The following PRKAG2 variants were observed in gnomAD, a reference collection of about 807,000 sequenced individuals.
PRKAG2 encodes 5'-AMP-activated protein kinase subunit gamma-2.
Under a neutral mutation model 69.6 loss-of-function variants are expected in PRKAG2, and 26 were observed. That is an observed-to-expected ratio of 0.37 (90% CI 0.27 to 0.52). PRKAG2 has a LOEUF of 0.52. PRKAG2 is among the 20% of genes least tolerant of loss of function. The probability of loss-of-function intolerance (pLI) is 0.90; values close to 1 mark genes in which losing one functional copy is unlikely to be tolerated. For synonymous variants in PRKAG2, 293 were observed against 285.0 expected (o/e 1.03, Z -0.28); for missense variants, 557 against 740.0 (o/e 0.75, Z 2.87).
chr7:151,593,049 T>C (rs190233966), intron 6 of PRKAG2, among the ~76,000 whole-genome samples: 2 of 152,364 alleles, frequency 1.3e-5, no homozygotes, highest in African/African-American at 4.8e-5. Flanking sequence ...TGATATTTAC[T>C]GGATCAGTCA....
At chr7:151,725,687 C>T (rs545987245) in intron 3 of PRKAG2, among the ~76,000 whole-genome samples, 5 of 152,178 alleles carry the variant, frequency 3.3e-5, no homozygotes, top group African/African-American at 1.2e-4. Context: ...CAATTATATA[C>T]AGACAGTTCA....
chr7:151,863,295 G>T (rs1042455140), intron 1 of PRKAG2, among the ~76,000 whole-genome samples: 1 of 151,984 alleles, frequency 6.6e-6, no homozygotes. Flanking sequence ...CTGGTACTCA[G>T]CTGAGTGCCT....
intron 1 of PRKAG2, among the ~76,000 whole-genome samples, chr7:151,816,186 G>A (rs1418404464): frequency 3.3e-5 from 5 of 152,160 alleles, no homozygotes; most frequent in Non-Finnish European, 7.3e-5. Flanking sequence ...TTCAGCCCAG[G>A]AGGGTACCAG....
intron 3 of PRKAG2, among the ~76,000 whole-genome samples, chr7:151,694,449 C>A (rs1460854989): frequency 1.3e-5 from 2 of 152,134 alleles, no homozygotes; most frequent in African/African-American, 4.8e-5. Context: ...AAAAATAACT[C>A]ATTTCTCCCC....
chr7:151,808,772 T>TGGCTGC (rs2078256443), intron 1 of PRKAG2, among the ~76,000 whole-genome samples: 2 of 151,912 alleles, frequency 1.3e-5, no homozygotes, highest in African/African-American at 4.8e-5. Context: ...CCACGACAGA[T>TGGCTGC]GGCTGCGCGG....
rs2078182265 is a variant in PRKAG2, at chr7:151,807,618, G to C, written c.115-21077C>G. 2.2e-6 allele frequency: 1 copy of C among 457,666 alleles called. No individual in the cohort carries two copies. Among genetic ancestry groups the C allele is most frequent in the South Asian group, 1.5e-5 (1 of 64,568 alleles). The allele number at this position is 457,666 out of a possible 1,614,324, so 28.4% of individuals were successfully genotyped here. On this transcript the variant is annotated intron_variant, in intron 1 of 15. Coordinates refer to ENST00000287878, the MANE Select transcript of PRKAG2 (RefSeq NM_016203.4). The surrounding 1 kb of genome is among the most constrained non-coding windows in gnomAD (Gnocchi z 4.4). The stretch of plus-strand genomic sequence containing the variant: ...AAGAATGATTCGTTTGCCACCAAAA[G>C]CCCAGTTTCTCCAACAGGTAAGTCC...
chr7:151,560,772 C>T (rs1804764893), intron 14 of PRKAG2, among the ~76,000 whole-genome samples, 155 bp from the exon 15 acceptor site: 1 of 152,182 alleles, frequency 6.6e-6, no homozygotes, highest in Non-Finnish European at 1.5e-5. Flanking sequence ...AAACATTAGA[C>T]AGTGGCTGGG....
Position 151,556,254 on chromosome 7 carries a change from T to C in PRKAG2, c.*947A>G, listed in dbSNP as rs1160990299. The C allele has an allele frequency of 1.3e-5, 2 of 152,388 alleles. No individual in the cohort carries two copies. The highest frequency in any genetic ancestry group is 4.8e-5 in the African/African-American group (2 of 41,408). The allele number at this position is 152,388 out of a possible 1,614,324, so 9.4% of individuals were successfully genotyped here. ...TCAGAGCACTTACATTAGGAAACAT[T>C]GTTTCTCTTCAACTGTATGACAATA... On this transcript the variant is annotated 3_prime_UTR_variant, in exon 16 of 16. Coordinates refer to ENST00000287878, the MANE Select transcript of PRKAG2 (RefSeq NM_016203.4).
At chr7:151,644,157 C>G (rs930102227) in intron 4 of PRKAG2, among the ~76,000 whole-genome samples, 3 of 152,102 alleles carry the variant, frequency 2.0e-5, no homozygotes, top group African/African-American at 4.8e-5. Flanking sequence ...ATGGATGCAC[C>G]AGGATCTTAC....
chr7:151,755,543 G>A (rs925839192), intron 3 of PRKAG2, among the ~76,000 whole-genome samples: 29 of 152,206 alleles, frequency 1.9e-4, no homozygotes, highest in Non-Finnish European at 4.1e-4. Flanking sequence ...GGGATGACAT[G>A]ATGGGATTTA....
intron 3 of PRKAG2, among the ~76,000 whole-genome samples, chr7:151,727,069 G>T (rs893309052): frequency 6.6e-6 from 1 of 152,158 alleles, no homozygotes; most frequent in East Asian, 1.9e-4. Context: ...TACAAAATTA[G>T]CTGGGCATGG....
intron 5 of PRKAG2, among the ~76,000 whole-genome samples, chr7:151,612,447 G>T (rs1477630585): frequency 6.6e-6 from 1 of 151,936 alleles, no homozygotes; most frequent in Non-Finnish European, 1.5e-5. Flanking sequence ...ACCCACACAG[G>T]TAGGGGACAG....
chr7:151,803,730 G>T (rs1457524849), intron 1 of PRKAG2, among the ~76,000 whole-genome samples: 2 of 149,602 alleles, frequency 1.3e-5, no homozygotes, highest in African/African-American at 4.9e-5. Flanking sequence ...TTTTTAAGAA[G>T]TAAATTCATC....
intron 1 of PRKAG2, 42 bp downstream of exon 1, chr7:151,876,465 A>G (rs769657624): frequency 3.8e-6 from 6 of 1,564,534 alleles, no homozygotes; most frequent in Non-Finnish European, 5.2e-6. Context: ...GACGGGAGCG[A>G]CAGGAGGGCT....
intron 3 of PRKAG2, among the ~76,000 whole-genome samples, chr7:151,683,476 T>C (rs907237782): frequency 6.6e-6 from 1 of 152,064 alleles, no homozygotes; most frequent in African/African-American, 2.4e-5. Flanking sequence ...ACTGCGTAAA[T>C]GGAATGAGCT....
intron 3 of PRKAG2, among the ~76,000 whole-genome samples, chr7:151,707,894 G>C (rs1838897314): frequency 6.6e-6 from 1 of 152,214 alleles, no homozygotes. Context: ...CCGGCCCCAA[G>C]GCAGGAAAGC....
At chr7:151,619,493 T>C (rs963852274) in intron 5 of PRKAG2, among the ~76,000 whole-genome samples, 1 of 152,178 alleles carries the variant, frequency 6.6e-6, no homozygotes, top group Admixed American at 6.5e-5. Flanking sequence ...TCAGGAACGA[T>C]GGTGATGCCA....
intron 1 of PRKAG2, among the ~76,000 whole-genome samples, chr7:151,798,418 G>A (rs2077667408): frequency 6.6e-6 from 1 of 151,922 alleles, no homozygotes; most frequent in South Asian, 2.1e-4. Context: ...GGGTTCAAGC[G>A]ATTCTCATGC....
chr7:151,634,344 CG>C (rs1825370670), intron 4 of PRKAG2, among the ~76,000 whole-genome samples: 1 of 152,054 alleles, frequency 6.6e-6, no homozygotes, highest in Admixed American at 6.6e-5. Context: ...CACATTGGAT[CG>C]TGAACTTAAA....
Sources: gnomAD v4.1 joint callset for allele counts (sites outside exome capture counted in the v4.1 genomes callset) on GRCh38, gnomAD v4.1.1 for gene constraint, Gnocchi (gnomAD v3.1) non-coding constraint, MANE v1.5 for transcripts, NCBI Gene and HGNC (gene_info 2026-07-23, HGNC 2026-07-21) for gene names.